Variants in C17orf99 observed in about 807,000 individuals in gnomAD.
C17orf99 encodes protein IL-40.
Under a neutral mutation model 22.6 loss-of-function variants are expected in C17orf99, and 18 were observed. The ratio of observed to expected loss-of-function variants is 0.80; its 90% CI spans 0.55 to 1.18. The LOEUF (loss-of-function observed/expected upper bound fraction) is 1.18, where lower values mean the gene tolerates loss of function less well. Ranked by LOEUF, C17orf99 falls within the 50% of genes most tolerant of loss-of-function variation. C17orf99 has a pLI of 0.00. For missense variants in C17orf99, 328 were observed against 342.7 expected, an observed-to-expected ratio of 0.96 and a Z score of 0.34; for synonymous variants, 147 against 136.6, an observed-to-expected ratio of 1.08 and a Z score of -0.53.
At chr17:78,148,070 TG>T (rs1448382047) in intron 2 of C17orf99, among the ~76,000 whole-genome samples, 5 of 152,018 alleles carry the variant, frequency 3.3e-5, no homozygotes, top group Non-Finnish European at 7.4e-5. Flanking sequence ...TACATTCTAG[TG>T]GGGGTTGGGG....
At chr17:78,149,499 G>T (rs983168039) in intron 2 of C17orf99, among the ~76,000 whole-genome samples, 2 of 152,028 alleles carry the variant, frequency 1.3e-5, no homozygotes, top group East Asian at 3.9e-4. Context: ...CAGGATATTC[G>T]AAAGATGATC....
chr17:78,156,376 G>A (rs1177814167), intron 2 of C17orf99, among the ~76,000 whole-genome samples: 1 of 149,840 alleles, frequency 6.7e-6, no homozygotes, highest in Non-Finnish European at 1.5e-5. Flanking sequence ...GACAGCATCA[G>A]GCCCACTAGG....
At position 78,164,136 on chromosome 17, in the gene C17orf99, A is replaced by C. The variant is rs1370186521; in HGVS notation, c.412A>C (p.Arg138=). The C allele has an allele frequency of 6.4e-7, 1 of 1,551,734 alleles. No individual in the cohort carries two copies. The highest frequency in any genetic ancestry group is 8.7e-7 in the Non-Finnish European group (1 of 1,147,014). The change falls in exon 4 of 5, where the codon AGA becomes CGA. Residue 138 remains arginine, a synonymous_variant. Coordinates refer to ENST00000340363, the MANE Select transcript of C17orf99 (RefSeq NM_001163075.2). ...GCGGGCCAACTTCACTCTGCAGGAC[A>C]GAGGGGCAGGCCCCAGGGTGGAGAT... ...ELRANFTLQD[R]GAGPRVEMIC...
At chr17:78,150,049 C>T (rs1302270979) in intron 2 of C17orf99, among the ~76,000 whole-genome samples, 1 of 149,734 alleles carries the variant, frequency 6.7e-6, no homozygotes, top group Non-Finnish European at 1.5e-5. Flanking sequence ...TGCCATGTTG[C>T]CCAGGTTGGA....
Position 78,146,462 on chromosome 17 carries a change from GTGA to G in C17orf99, c.37+21_37+23del. 1 of 1,548,900 alleles carries G rather than the reference GTGA, an allele frequency of 6.5e-7. No homozygotes were observed. Among genetic ancestry groups the G allele is most frequent in the Non-Finnish European group, 8.7e-7 (1 of 1,146,272 alleles). On this transcript the variant is annotated intron_variant, in intron 1 of 4. Coordinates refer to ENST00000340363, the MANE Select transcript of C17orf99 (RefSeq NM_001163075.2). This position sits in a 1 kb window ranked among gnomAD's most constrained non-coding sequence, Gnocchi z 5.2. The stretch of plus-strand genomic sequence containing the variant: ...CGTGCTGGGTGAGTCCACCAGGGAC[GTGA>G]TGGTGGGGCTGCTGCTGGGGCCTTG...
Position 78,164,877 on chromosome 17 carries a change from G to T in C17orf99, c.640+513G>T, listed in dbSNP as rs190150174. The T allele has an allele frequency of 7.5e-5, 89 of 1,180,372 alleles. No individual in the cohort carries two copies. The African/African-American group carries it at 1.4e-3, about 18-fold the overall frequency. 73.1% of individuals were successfully genotyped at this position (1,180,372 alleles called of 1,614,324 possible). On this transcript the variant is annotated intron_variant, in intron 4 of 4. Transcript: ENST00000340363. ...CTACTGAGGCTTACACATTCAAGGC[G>T]TTATCGGACCCTGACCAGTGCTCCC...
In C17orf99 at chr17:78,161,157, C is replaced by T. The variant is rs1053082325; in HGVS notation, c.273C>T (p.Ser91=). Residue 91 remains serine, a synonymous_variant, in exon 3 of 5, where the codon TCC becomes TCT. Transcript: ENST00000340363. ...ASFNLNVTLK[S]SPDLLTYFCW... ...TCAACCTCAACGTCACACTCAAGTCCAGTCCAGACCTGCTCACCTACTTCT... is the reference window on the plus strand; with the variant it reads ...TCAACCTCAACGTCACACTCAAGTCTAGTCCAGACCTGCTCACCTACTTCT... The T allele has an allele frequency of 4.5e-6, 7 of 1,551,652 alleles. No homozygotes were observed. In the Admixed American group the frequency reaches 1.2e-4, roughly 26 times the overall value.
intron 2 of C17orf99, among the ~76,000 whole-genome samples, chr17:78,147,201 G>A (rs2075443853): frequency 1.3e-5 from 2 of 152,212 alleles, no homozygotes; most frequent in African/African-American, 4.8e-5. Flanking sequence ...TCCCTGGGCA[G>A]GTGCATCCTC....
intron 3 of C17orf99, among the ~76,000 whole-genome samples, chr17:78,161,573 G>C (rs886169582): frequency 3.9e-5 from 6 of 152,208 alleles, no homozygotes; most frequent in African/African-American, 1.4e-4. Context: ...AACTAGGCAC[G>C]TTTGTCTGGG....
chr17:78,153,145 C>T (rs1282647925), intron 2 of C17orf99, among the ~76,000 whole-genome samples: 8 of 149,732 alleles, frequency 5.3e-5, no homozygotes, highest in Non-Finnish European at 1.2e-4. Context: ...GATCCATAAA[C>T]TAAATAATCA....
chr17:78,156,934 A>C (rs540772079), intron 2 of C17orf99, among the ~76,000 whole-genome samples: 1 of 141,134 alleles, frequency 7.1e-6, no homozygotes, highest in African/African-American at 2.5e-5. Context: ...TTATATAGAA[A>C]AATATTCTGG....
chr17:78,161,022 C>T lies in C17orf99; in HGVS notation c.138C>T (p.Leu46=), dbSNP rs773346375. 4.3e-5 allele frequency: 66 copies of T among 1,551,480 alleles called. No individual in the cohort carries two copies. The highest frequency in any genetic ancestry group is 2.0e-5 in the Admixed American group (1 of 50,974). Residue 46 remains leucine, a synonymous_variant, in exon 3 of 5, where the codon CTC becomes CTT. Transcript: ENST00000340363. ...LEVFPKGRWV[L]ITCCAPQPPP... is the part of the protein sequence containing the mutation. ...TTTTCCCCAAAGGCCGCTGGGTGCT[C>T]ATAACCTGCTGTGCACCCCAGCCAC... is the stretch of plus-strand genomic sequence containing the variant.
chr17:78,164,415 G>C (rs1278668477), intron 4 of C17orf99, 51 bp downstream of exon 4: 2 of 1,550,844 alleles, frequency 1.3e-6, no homozygotes, highest in Admixed American at 2.0e-5. Context: ...TCTGTGCCGG[G>C]AGGGTGCTAG....
Position 78,166,228 on chromosome 17 carries a change from C to T in C17orf99, c.*182C>T. ...TGTTAACTTGCTTCGCTATAGGAAC[C>T]TTTGTGCTATCTATATTATCTATAT... On this transcript the variant is annotated 3_prime_UTR_variant, in exon 5 of 5. Coordinates refer to ENST00000340363, the MANE Select transcript of C17orf99 (RefSeq NM_001163075.2). 2.6e-6 allele frequency: 1 copy of T among 387,152 alleles called. No homozygotes were observed. The highest frequency in any genetic ancestry group is 4.5e-6 in the Non-Finnish European group (1 of 219,914). 24.0% of individuals were successfully genotyped at this position (387,152 alleles called of 1,614,324 possible).
rs1184747652 is a variant in C17orf99 at position 78,146,450 on chromosome 17, T to C, written c.37+6T>C. 4.5e-6 allele frequency: 7 copies of C among 1,549,316 alleles called. No homozygotes were observed. Among genetic ancestry groups the C allele is most frequent in the Non-Finnish European group, 6.1e-6 (7 of 1,146,566 alleles). ...GTTCTGCTTGGCCGTGCTGGGTGAG[T>C]CCACCAGGGACGTGATGGTGGGGCT... On this transcript the variant is annotated splice_donor_region_variant and intron_variant, in intron 1 of 4. Coordinates refer to ENST00000340363, the MANE Select transcript of C17orf99 (RefSeq NM_001163075.2). The surrounding 1 kb of genome is among the most constrained non-coding windows in gnomAD (Gnocchi z 5.2).
intron 4 of C17orf99, chr17:78,164,621 G>T: frequency 6.6e-7 from 1 of 1,504,874 alleles, no homozygotes. Context: ...CCTCCACTGC[G>T]GCCATCACCT....
At position 78,164,318 on chromosome 17, in the gene C17orf99, AAAC is replaced by A; in HGVS notation, c.598_600del (p.Asn200del). 1 of 1,551,582 alleles carries A rather than the reference AAAC, an allele frequency of 6.4e-7. No homozygotes were observed. Among genetic ancestry groups the A allele is most frequent in the Non-Finnish European group, 8.7e-7 (1 of 1,146,996 alleles). ...CGGACTGGTTCTGGTGCCAGGCTGC[AAAC>A]AACGCCAATGTCCAGCACAGCGCCC... On this transcript the variant is annotated inframe_deletion, in exon 4 of 5. Transcript: ENST00000340363.
rs558092037 is a variant in C17orf99 at position 78,146,504 on chromosome 17, A to G, written c.37+60A>G. 8.7e-5 allele frequency: 128 copies of G among 1,469,614 alleles called. 2 individuals are homozygous for G. In the South Asian group the frequency reaches 1.4e-3, roughly 17 times the overall value. 91.0% of individuals were successfully genotyped at this position (1,469,614 alleles called of 1,614,324 possible). A position where few individuals can be genotyped will look rare whatever the true frequency, so the allele number is the denominator to read the frequency against. On this transcript the variant is annotated intron_variant, in intron 1 of 4. Transcript: ENST00000340363. This position sits in a 1 kb window ranked among gnomAD's most constrained non-coding sequence, Gnocchi z 5.2. ...GCTGGGGCCTTGAGGTCTTGGGCTC[A>G]GGTGGGGGTACTGGGAGCACAGGAG...
At chr17:78,164,515 C>T in intron 4 of C17orf99, 151 bp downstream of exon 4, 3 of 1,537,352 alleles carry the variant, frequency 2.0e-6, no homozygotes, top group Non-Finnish European at 2.6e-6. Context: ...CATGCCCACC[C>T]TGGCCCCTGC....
Sources: gnomAD v4.1 joint callset for allele counts (sites outside exome capture counted in the v4.1 genomes callset) on GRCh38, gnomAD v4.1.1 for gene constraint, Gnocchi (gnomAD v3.1) non-coding constraint, MANE v1.5 for transcripts, NCBI Gene and HGNC (gene_info 2026-07-23, HGNC 2026-07-21) for gene names.